SFTPB: variants seen among roughly 807,000 people sequenced by gnomAD.
The protein encoded by SFTPB is surfactant protein B.
Under a neutral mutation model 51.0 loss-of-function variants are expected in SFTPB, and 32 were observed. The ratio of observed to expected loss-of-function variants is 0.63; its 90% CI spans 0.47 to 0.84. The LOEUF is 0.84. Among genes scored for constraint, SFTPB ranks in the 40% least tolerant of loss-of-function variants. The pLI is 0.00. For missense variants in SFTPB, 431 were observed against 491.2 expected (o/e 0.88, Z 1.16); for synonymous variants, 211 against 208.5 (o/e 1.01, Z -0.10).
chr2:85,662,701 C>T (rs1677368785), intron 8 of SFTPB, among the ~76,000 whole-genome samples: 1 of 151,924 alleles, frequency 6.6e-6, no homozygotes, highest in Non-Finnish European at 1.5e-5. Flanking sequence ...ATTAGCCGGG[C>T]CTGGTAGCAC....
chr2:85,661,938 G>T (rs1160744649), intron 9 of SFTPB, 91 bp downstream of exon 9: 3 of 1,282,902 alleles, frequency 2.3e-6, no homozygotes, highest in East Asian at 5.0e-5. Context: ...TGGACCCAGG[G>T]GAGTGAGGCC....
intron 4 of SFTPB, chr2:85,666,405 G>A (rs1035162599): frequency 9.4e-6 from 5 of 529,172 alleles, no homozygotes; most frequent in Non-Finnish European, 1.4e-5. Flanking sequence ...GTGTGTGTGT[G>A]TCCGGCCAGC....
intron 3 of SFTPB, 25 bp from the exon 4 acceptor site, chr2:85,666,767 G>T: frequency 1.2e-6 from 2 of 1,613,444 alleles, no homozygotes; most frequent in Non-Finnish European, 8.5e-7. Context: ...GGGGCCGTCA[G>T]CTGGGCCTCT....
At chr2:85,666,423 TTGTGTGTGTG>T in intron 4 of SFTPB, 184 bp downstream of exon 4, 3 of 418,726 alleles carry the variant, frequency 7.2e-6, no homozygotes, top group South Asian at 2.2e-5. Flanking sequence ...AGCTGGGGTG[TTGTGTGTGTG>T]TGTGTGTGTG....
chr2:85,660,035 G>C (rs933707876), intron 10 of SFTPB, among the ~76,000 whole-genome samples: 1 of 152,132 alleles, frequency 6.6e-6, no homozygotes, highest in Non-Finnish European at 1.5e-5. Flanking sequence ...TCAGATGGAA[G>C]AAGTGGACTT....
rs573709240 is a variant in SFTPB, at chr2:85,667,126, C to T, written c.247G>A (p.Ala83Thr). Residue 83 changes from alanine (A) to threonine (T), a missense_variant, in exon 3 of 11, where the codon GCC becomes ACC. Physicochemically the swap from Ala to Thr is moderately conservative, Grantham distance 58. Transcript: ENST00000519937. The stretch of plus-strand genomic sequence containing the variant: ...ATTACCTGGAAAATGGCCTCCTTGG[C>T]CATCTTGTTAAGGATGTGGACGATG... ...EDIVHILNKM[A>T]KEAIFQDTMR... 2 of 1,613,710 alleles carry T rather than the reference C, an allele frequency of 1.2e-6. No homozygotes were observed. The highest frequency in any genetic ancestry group is 2.2e-5 in the East Asian group (1 of 44,870).
intron 6 of SFTPB, among the ~76,000 whole-genome samples, chr2:85,664,177 G>A (rs1354214960): frequency 6.6e-6 from 1 of 152,148 alleles, no homozygotes; most frequent in African/African-American, 2.4e-5. Context: ...CTCCTCTCCT[G>A]CACTTCACAC....
chr2:85,663,791 G>T lies in SFTPB; in HGVS notation c.729C>A (p.Gly243=), dbSNP rs1000241702. The T allele has an allele frequency of 6.2e-7, 1 of 1,601,628 alleles. No individual in the cohort carries two copies. Among genetic ancestry groups the T allele is most frequent in the Non-Finnish European group, 8.5e-7 (1 of 1,175,588 alleles). ...GCTCAGCCAGGCACTGGCAGATGCC[G>T]CCCGCCACCAGAGGTACCACGCGGC... is the stretch of plus-strand genomic sequence containing the variant. The part of the protein sequence containing the change: ...QVCRVVPLVA[G]GICQCLAERY... Residue 243 remains glycine, a synonymous_variant, in exon 7 of 11, where the codon GGC becomes GGA. Coordinates refer to ENST00000519937, the MANE Select transcript of SFTPB (RefSeq NM_000542.5).
At position 85,665,676 on chromosome 2, in the gene SFTPB, G is replaced by A; in HGVS notation, c.512C>T (p.Pro171Leu). The change falls in exon 5 of 11, where the codon CCT (proline) becomes CTT (leucine). Residue 171 changes from proline to leucine, a missense_variant. Pro to Leu is a moderately conservative substitution (Grantham distance 98). Coordinates refer to ENST00000519937, the MANE Select transcript of SFTPB (RefSeq NM_000542.5). ...PKPLRDPLPD[P>L]LLDKLVLPVL... ...AGGGAGGACGAGCTTGTCCAGCAGA[G>A]GGTCTGGCAGAGGGTCCCGCAGAGG... 6.8e-6 allele frequency: 11 copies of A among 1,614,184 alleles called. No individual in the cohort carries two copies. Among genetic ancestry groups the A allele is most frequent in the Non-Finnish European group, 9.3e-6 (11 of 1,180,024 alleles).
rs1338460611 is a variant in SFTPB, at chr2:85,659,332, C to G, written c.*370G>C. 6.6e-6 allele frequency: 1 copy of G among 152,188 alleles called. No individual in the cohort carries two copies. The highest frequency in any genetic ancestry group is 1.5e-5 in the Non-Finnish European group (1 of 68,044). 9.4% of individuals were successfully genotyped at this position (152,188 alleles called of 1,614,324 possible). A position where few individuals can be genotyped will look rare whatever the true frequency, so the allele number is the denominator to read the frequency against. On this transcript the variant is annotated 3_prime_UTR_variant, in exon 11 of 11. Transcript: ENST00000519937. The stretch of plus-strand genomic sequence containing the variant: ...GTGAGGCGGGGCTCAGCTTCAACCC[C>G]CTGTCCTGTAAAGCAGTGGCTGGTT...
At chr2:85,662,766 G>A (rs780324975) in intron 8 of SFTPB, among the ~76,000 whole-genome samples, 6 of 150,792 alleles carry the variant, frequency 4.0e-5, no homozygotes, top group Non-Finnish European at 7.4e-5. Context: ...GCCTGAACCC[G>A]GAGGCAGAGG....
intron 4 of SFTPB, 31 bp downstream of exon 4, chr2:85,666,586 G>A (rs771454773): frequency 1.9e-6 from 3 of 1,610,270 alleles, no homozygotes; most frequent in Admixed American, 1.7e-5. Context: ...TGCGTGGGGA[G>A]GCAGGCAGGA....
chr2:85,666,600 GA>G lies in SFTPB; in HGVS notation c.393+16del. ...CTGCGTGGGGAGGCAGGCAGGAGGTGAGCTTGCAGCCCTCACAGTCTGGTTC... is the reference window on the plus strand; with the variant it reads ...CTGCGTGGGGAGGCAGGCAGGAGGTGGCTTGCAGCCCTCACAGTCTGGTTC... On this transcript the variant is annotated intron_variant, in intron 4 of 10. Transcript: ENST00000519937. 1 of 1,612,976 alleles carries G rather than the reference GA, an allele frequency of 6.2e-7. No homozygotes were observed. Among genetic ancestry groups the G allele is most frequent in the African/African-American group, 1.3e-5 (1 of 74,842 alleles).
chr2:85,659,071 C>T lies in SFTPB; in HGVS notation c.*631G>A, dbSNP rs923236321. ...TTTATATCTTAACAAAGCAATAGCT[C>T]TCAAGCAGCAGAGCATCTCGAGGAA... On this transcript the variant is annotated 3_prime_UTR_variant, in exon 11 of 11. Transcript: ENST00000519937. 1.3e-5 allele frequency: 2 copies of T among 152,100 alleles called. No homozygotes were observed. The highest frequency in any genetic ancestry group is 2.9e-5 in the Non-Finnish European group (2 of 68,032). The allele number at this position is 152,100 out of a possible 1,614,324, so 9.4% of individuals were successfully genotyped here.
intron 4 of SFTPB, 124 bp downstream of exon 4, chr2:85,666,493 C>G (rs1346437707): frequency 1.5e-5 from 11 of 740,280 alleles, no homozygotes; most frequent in South Asian, 5.2e-5. Flanking sequence ...GGCTTGGGTG[C>G]TGTGTGTGTG....
chr2:85,657,802 G>A lies in SFTPB; in HGVS notation c.*1900C>T, dbSNP rs905148422. 1 of 151,974 alleles carries A rather than the reference G, an allele frequency of 6.6e-6. No individual in the cohort carries two copies. Among genetic ancestry groups the A allele is most frequent in the Non-Finnish European group, 1.5e-5 (1 of 67,994 alleles). The allele number at this position is 151,974 out of a possible 1,614,324, so 9.4% of individuals were successfully genotyped here. On this transcript the variant is annotated 3_prime_UTR_variant, in exon 11 of 11. Transcript: ENST00000519937. Reference sequence around the variant, plus strand: ...GGTTTGGGATAGGCGGTGGAGTTAGGAGCAATTTTTTGTGGGCAGGGGGTG... The same window carrying A: ...GGTTTGGGATAGGCGGTGGAGTTAGAAGCAATTTTTTGTGGGCAGGGGGTG...
At chr2:85,663,254 C>T in intron 8 of SFTPB, 92 bp downstream of exon 8, 11 of 1,548,398 alleles carry the variant, frequency 7.1e-6, no homozygotes, top group Non-Finnish European at 9.7e-6. Flanking sequence ...TCTGGCCCAT[C>T]CTAGGTGTCT....
rs527741702 is a variant in SFTPB at position 85,657,363 on chromosome 2, C to G, written c.*2339G>C. On this transcript the variant is annotated 3_prime_UTR_variant, in exon 11 of 11. Coordinates refer to ENST00000519937, the MANE Select transcript of SFTPB (RefSeq NM_000542.5). ...TTTATTTTTTTAAATTTAAAACACC[C>G]TTTTCTCTCAGAGAGTTGGATTTTG... 1.3e-5 allele frequency: 2 copies of G among 152,142 alleles called. No individual in the cohort carries two copies. The highest frequency in any genetic ancestry group is 4.8e-5 in the African/African-American group (2 of 41,422). The allele number at this position is 152,142 out of a possible 1,614,324, so 9.4% of individuals were successfully genotyped here.
intron 8 of SFTPB, 151 bp from the exon 9 acceptor site, chr2:85,662,260 C>A: frequency 1.3e-6 from 2 of 1,490,326 alleles, no homozygotes; most frequent in Non-Finnish European, 9.0e-7. Flanking sequence ...CAGTTGAAAC[C>A]CTTAACAAAC....
Sources: allele counts gnomAD v4.1 joint callset (sites outside exome capture counted in the v4.1 genomes callset), GRCh38; gene constraint gnomAD v4.1.1; transcripts MANE v1.5; gene names NCBI Gene and HGNC (gene_info 2026-07-23, HGNC 2026-07-21).